Variants in DCSTAMP observed in about 807,000 individuals in gnomAD.
DCSTAMP encodes the protein dendritic cell-specific transmembrane protein.
In DCSTAMP, 25 loss-of-function variants were observed where a neutral mutation model predicts 33.8. The ratio of observed to expected loss-of-function variants is 0.74; its 90% CI spans 0.54 to 1.03. DCSTAMP has a LOEUF of 1.03. Ranked by LOEUF, DCSTAMP falls within the 50% of genes least tolerant of loss-of-function variation. The probability of loss-of-function intolerance (pLI) is 0.00; values close to 1 mark genes in which losing one functional copy is unlikely to be tolerated. For missense variants in DCSTAMP, 531 were observed against 556.8 expected, an observed-to-expected ratio of 0.95 and a Z score of 0.47; for synonymous variants, 245 against 216.7, an observed-to-expected ratio of 1.13 and a Z score of -1.15.
At chr8:104,340,598 C>T (rs964654182) in intron 1 of DCSTAMP, among the ~76,000 whole-genome samples, 1 of 152,238 alleles carries the variant, frequency 6.6e-6, no homozygotes, top group Non-Finnish European at 1.5e-5. Flanking sequence ...AGCTCCGCTG[C>T]TCACTGCACC....
At chr8:104,342,322 C>T (rs2099383047) in intron 1 of DCSTAMP, among the ~76,000 whole-genome samples, 1 of 152,206 alleles carries the variant, frequency 6.6e-6, no homozygotes, top group Admixed American at 6.5e-5. Context: ...GCTGCACTCT[C>T]ACAATCCGTG....
chr8:104,349,111 A>T lies in DCSTAMP; in HGVS notation c.559A>T (p.Asn187Tyr). 6.2e-7 allele frequency: 1 copy of T among 1,614,152 alleles called. No individual in the cohort carries two copies. Among genetic ancestry groups the T allele is most frequent in the Non-Finnish European group, 8.5e-7 (1 of 1,180,032 alleles). The change falls in exon 2 of 4, where the codon AAT (asparagine) becomes TAT (tyrosine). Residue 187 changes from asparagine (N) to tyrosine (Y), a missense_variant. Physicochemically the swap from Asn to Tyr is moderately radical, Grantham distance 143. Transcript: ENST00000297581. ...CAGCCATGTCCTGGAGGCACAGCTA[A>T]ATGACAGCAAAGGGGAAGTCCTGAG... ...SPSHVLEAQL[N>Y]DSKGEVLSVL...
Position 104,356,310 on chromosome 8 carries a change from G to T in DCSTAMP, c.*112G>T, listed in dbSNP as rs1021161866. The T allele has an allele frequency of 9.3e-7, 1 of 1,080,672 alleles. No homozygotes were observed. Among genetic ancestry groups the T allele is most frequent in the Non-Finnish European group, 1.3e-6 (1 of 797,566 alleles). The allele number at this position is 1,080,672 out of a possible 1,614,324, so 66.9% of individuals were successfully genotyped here. A position where few individuals can be genotyped will look rare whatever the true frequency, so the allele number is the denominator to read the frequency against. ...GAACTATGTGACGCAGTCCTCTCAGGAGTCTGAGTTTACAGAGCCAACTTG... is the reference window on the plus strand; with the variant it reads ...GAACTATGTGACGCAGTCCTCTCAGTAGTCTGAGTTTACAGAGCCAACTTG... On this transcript the variant is annotated 3_prime_UTR_variant, in exon 4 of 4. Transcript: ENST00000297581.
Position 104,348,760 on chromosome 8 carries a change from G to C in DCSTAMP, c.208G>C (p.Val70Leu). Residue 70 changes from valine (V) to leucine (L), a missense_variant, in exon 2 of 4, where the codon GTT (valine) becomes CTT (leucine). Physicochemically the swap from Val to Leu is conservative, Grantham distance 32. Transcript: ENST00000297581. ...AAAASWIITC[V>L]LLCCSKHARC... The stretch of plus-strand genomic sequence containing the variant: ...CGCTGCCTCCTGGATTATCACGTGT[G>C]TTCTGCTGTGTTGCTCCAAGCATGC... 2.5e-6 allele frequency: 4 copies of C among 1,614,204 alleles called. No individual in the cohort carries two copies. Among genetic ancestry groups the C allele is most frequent in the Non-Finnish European group, 3.4e-6 (4 of 1,180,040 alleles).
chr8:104,351,109 C>T (rs1435243199), intron 2 of DCSTAMP, among the ~76,000 whole-genome samples: 1 of 152,200 alleles, frequency 6.6e-6, no homozygotes, highest in East Asian at 1.9e-4. Context: ...CTCCTTCTCT[C>T]TCCTCTTGGC....
intron 1 of DCSTAMP, among the ~76,000 whole-genome samples, chr8:104,346,212 T>C (rs576724136): frequency 3.9e-5 from 6 of 152,346 alleles, no homozygotes; most frequent in South Asian, 2.1e-4. Flanking sequence ...TACAATGTAA[T>C]AGGGAATTAT....
intron 3 of DCSTAMP, 115 bp downstream of exon 3, chr8:104,355,300 C>T (rs1810592574): frequency 9.3e-7 from 1 of 1,072,724 alleles, no homozygotes; most frequent in Non-Finnish European, 1.3e-6. Flanking sequence ...GGCTTGTACC[C>T]CAGCAGTAGA....
chr8:104,352,770 G>A (rs77128067), intron 2 of DCSTAMP, among the ~76,000 whole-genome samples: 2 of 152,188 alleles, frequency 1.3e-5, no homozygotes, highest in South Asian at 4.1e-4. Flanking sequence ...ATGAACACAC[G>A]TGAAACAGTA....
Position 104,356,254 on chromosome 8 carries a change from A to AT in DCSTAMP, c.*57dup. 1 of 1,544,094 alleles carries AT rather than the reference A, an allele frequency of 6.5e-7. No individual in the cohort carries two copies. Among genetic ancestry groups the AT allele is most frequent in the Non-Finnish European group, 8.8e-7 (1 of 1,132,888 alleles). On this transcript the variant is annotated 3_prime_UTR_variant, in exon 4 of 4. Transcript: ENST00000297581. ...ACCAACAATTCTCTTCAGGTCTAGG[A>AT]TGGCAGTCACTATTCATGCCGGATA...
intron 1 of DCSTAMP, among the ~76,000 whole-genome samples, chr8:104,346,401 G>A (rs943148740): frequency 5.3e-5 from 8 of 152,292 alleles, no homozygotes; most frequent in Admixed American, 1.3e-4. Context: ...TGTCTGACTC[G>A]GTCTGTAATG....
intron 2 of DCSTAMP, among the ~76,000 whole-genome samples, chr8:104,350,106 A>G (rs1031393604): frequency 2.0e-5 from 3 of 152,164 alleles, no homozygotes; most frequent in African/African-American, 7.2e-5. Flanking sequence ...TAATTTCTCT[A>G]TCTCAAGATC....
chr8:104,342,009 G>A (rs1243073743), intron 1 of DCSTAMP, among the ~76,000 whole-genome samples: 1 of 152,134 alleles, frequency 6.6e-6, no homozygotes, highest in African/African-American at 2.4e-5. Flanking sequence ...CAGGTTAAAG[G>A]GATCAGGTAA....
At chr8:104,354,627 C>G (rs1588378661) in intron 2 of DCSTAMP, among the ~76,000 whole-genome samples, 1 of 152,190 alleles carries the variant, frequency 6.6e-6, no homozygotes, top group Non-Finnish European at 1.5e-5. Context: ...ATTTAATACA[C>G]TTCTCTCAAG....
chr8:104,356,231 C>T lies in DCSTAMP; in HGVS notation c.*33C>T, dbSNP rs371471567. 6 of 1,592,464 alleles carry T rather than the reference C, an allele frequency of 3.8e-6. No homozygotes were observed. The East Asian group carries it at 1.4e-4, about 36-fold the overall frequency. ...CGACTACTCCTCAGCCACATCGCAC[C>T]AACAATTCTCTTCAGGTCTAGGATG... On this transcript the variant is annotated 3_prime_UTR_variant, in exon 4 of 4. Coordinates refer to ENST00000297581, the MANE Select transcript of DCSTAMP (RefSeq NM_030788.4).
chr8:104,341,698 C>A (rs1436194704), intron 1 of DCSTAMP, among the ~76,000 whole-genome samples: 1 of 152,236 alleles, frequency 6.6e-6, no homozygotes, highest in Non-Finnish European at 1.5e-5. Flanking sequence ...CAAATCAGGG[C>A]TCTTCATCCC....
At chr8:104,352,821 G>A (rs1564067398) in intron 2 of DCSTAMP, among the ~76,000 whole-genome samples, 1 of 152,140 alleles carries the variant, frequency 6.6e-6, no homozygotes, top group Non-Finnish European at 1.5e-5. Flanking sequence ...CGAGACTGCT[G>A]TGGGAGCGCT....
chr8:104,349,911 C>T (rs1320148871), intron 2 of DCSTAMP, among the ~76,000 whole-genome samples: 2 of 152,158 alleles, frequency 1.3e-5, no homozygotes, highest in African/African-American at 4.8e-5. Context: ...AATCCAGGTG[C>T]TGTTGCCGCT....
intron 1 of DCSTAMP, among the ~76,000 whole-genome samples, chr8:104,343,953 C>A (rs938254745): frequency 1.3e-5 from 2 of 152,204 alleles, no homozygotes; most frequent in Non-Finnish European, 2.9e-5. Context: ...TCTGCTATGG[C>A]AGCACTGGCA....
intron 1 of DCSTAMP, among the ~76,000 whole-genome samples, chr8:104,341,315 T>C (rs1427599094): frequency 1.3e-5 from 2 of 152,218 alleles, no homozygotes; most frequent in Admixed American, 1.3e-4. Context: ...GACTGGACCT[T>C]GTATCTGAAG....
Sources: gnomAD v4.1 joint callset for allele counts (sites outside exome capture counted in the v4.1 genomes callset) on GRCh38, gnomAD v4.1.1 for gene constraint, MANE v1.5 for transcripts, NCBI Gene and HGNC (gene_info 2026-07-23, HGNC 2026-07-21) for gene names.